Variants in SHISA9 observed in about 807,000 individuals in gnomAD.
SHISA9 encodes the protein shisa family member 9, also known as protein shisa-9.
SHISA9 carries 13 observed loss-of-function variants against 38.0 expected under a neutral mutation model. The ratio of observed to expected loss-of-function variants is 0.34; its 90% CI spans 0.22 to 0.54. The LOEUF is 0.54. SHISA9 is among the 20% of genes least tolerant of loss of function. SHISA9 has a pLI of 0.91. For missense variants in SHISA9, 538 were observed against 575.8 expected (o/e 0.93, Z 0.67); for synonymous variants, 275 against 242.0 (o/e 1.14, Z -1.27).
At chr16:12,938,648 C>T (rs944229644) in intron 2 of SHISA9, among the ~76,000 whole-genome samples, 1 of 152,080 alleles carries the variant, frequency 6.6e-6, no homozygotes, top group Non-Finnish European at 1.5e-5. Context: ...CCGGCACCTG[C>T]CACCACGCCC....
chr16:13,020,752 A>T (rs1196148725), intron 2 of SHISA9, among the ~76,000 whole-genome samples: 1 of 152,196 alleles, frequency 6.6e-6, no homozygotes, highest in Non-Finnish European at 1.5e-5. Flanking sequence ...TTAGGATCCA[A>T]ACATACTAAA....
At chr16:13,072,756 G>A (rs2073533430) in intron 2 of SHISA9, among the ~76,000 whole-genome samples, 1 of 152,038 alleles carries the variant, frequency 6.6e-6, no homozygotes, top group South Asian at 2.1e-4. Context: ...CACCTCCTGG[G>A]TTCAAGGGAT....
At chr16:12,919,768 G>A (rs758374107) in intron 2 of SHISA9, among the ~76,000 whole-genome samples, 4 of 152,142 alleles carry the variant, frequency 2.6e-5, no homozygotes, top group Non-Finnish European at 5.9e-5. Context: ...TTTCTTCAGC[G>A]GATGCTGTTC....
intron 2 of SHISA9, among the ~76,000 whole-genome samples, chr16:13,115,602 T>C (rs1439079787): frequency 6.6e-6 from 1 of 152,220 alleles, no homozygotes; most frequent in African/African-American, 2.4e-5. Context: ...TATGGACATG[T>C]TACAGTGCTG....
the SHISA9 span, among the ~76,000 whole-genome samples, chr16:13,293,491 G>A: frequency 6.6e-6 from 1 of 152,148 alleles, no homozygotes; most frequent in Non-Finnish European, 1.5e-5. Context: ...GGCCACCTTA[G>A]GCAAGTTGCT....
At chr16:13,455,930 G>A in the SHISA9 span, among the ~76,000 whole-genome samples, 2 of 152,264 alleles carry the variant, frequency 1.3e-5, no homozygotes, top group African/African-American at 4.8e-5. Flanking sequence ...AAAGTTTAGA[G>A]ATATTTCTTG....
chr16:13,274,070 A>G, the SHISA9 span, among the ~76,000 whole-genome samples: 1 of 152,220 alleles, frequency 6.6e-6, no homozygotes, highest in Admixed American at 6.5e-5. Context: ...GTCAAAAGTA[A>G]GATATTTGTC....
At chr16:13,107,259 C>T (rs964868376) in intron 2 of SHISA9, among the ~76,000 whole-genome samples, 1 of 151,760 alleles carries the variant, frequency 6.6e-6, no homozygotes, top group Non-Finnish European at 1.5e-5. Flanking sequence ...TGGTGAAATC[C>T]CATCTCTACT....
chr16:13,263,471 A>G, the SHISA9 span, among the ~76,000 whole-genome samples: 95,770 of 151,888 alleles, frequency 0.63, 30,589 homozygotes, highest in African/African-American at 0.72. Flanking sequence ...ACCTCTCCCC[A>G]AATTCCTCTT....
intron 2 of SHISA9, among the ~76,000 whole-genome samples, chr16:12,936,153 G>A (rs1489823819): frequency 6.6e-6 from 1 of 152,108 alleles, no homozygotes; most frequent in Non-Finnish European, 1.5e-5. Flanking sequence ...GGGTTCTTGG[G>A]ATGACGGGTG....
the SHISA9 span, among the ~76,000 whole-genome samples, chr16:13,540,224 T>C: frequency 1.1e-4 from 16 of 142,644 alleles, no homozygotes; most frequent in East Asian, 2.7e-3. Context: ...CACACACACA[T>C]AAACCTCCTA....
chr16:13,137,718 T>C (rs1327307380), intron 2 of SHISA9, among the ~76,000 whole-genome samples: 1 of 152,162 alleles, frequency 6.6e-6, no homozygotes, highest in African/African-American at 2.4e-5. Context: ...CCTCCCAAAG[T>C]GCTGGGATTA....
chr16:13,396,751 C>T, the SHISA9 span, among the ~76,000 whole-genome samples: 1 of 152,156 alleles, frequency 6.6e-6, no homozygotes, highest in Non-Finnish European at 1.5e-5. Context: ...CTCCATCCTT[C>T]TCATTCTTCA....
the SHISA9 span, among the ~76,000 whole-genome samples, chr16:13,550,388 C>A: frequency 1.6e-4 from 25 of 152,308 alleles, 1 homozygote; most frequent in East Asian, 4.4e-3. Flanking sequence ...ATAATTTGAA[C>A]TTTCTAAAAT....
chr16:13,267,534 C>G, the SHISA9 span, among the ~76,000 whole-genome samples: 4 of 152,260 alleles, frequency 2.6e-5, no homozygotes, highest in Admixed American at 1.3e-4. Context: ...TTCAACAATT[C>G]TACCTCCAAG....
chr16:13,447,741 C>T, the SHISA9 span, among the ~76,000 whole-genome samples: 1 of 152,230 alleles, frequency 6.6e-6, no homozygotes, highest in African/African-American at 2.4e-5. Context: ...TCGCCAGCTG[C>T]ATACTGCATA....
chr16:13,323,634 C>G, the SHISA9 span, among the ~76,000 whole-genome samples: 1 of 152,030 alleles, frequency 6.6e-6, no homozygotes, highest in Admixed American at 6.6e-5. Context: ...GGGGAGGCCT[C>G]AGGAAATGTA....
At chr16:13,004,033 G>A (rs553852920) in intron 2 of SHISA9, among the ~76,000 whole-genome samples, 5 of 152,132 alleles carry the variant, frequency 3.3e-5, no homozygotes, top group African/African-American at 1.2e-4. Flanking sequence ...CAATGTGTTG[G>A]GTTCATCAAG....
At chr16:13,418,565 T>C in the SHISA9 span, among the ~76,000 whole-genome samples, 1 of 152,076 alleles carries the variant, frequency 6.6e-6, no homozygotes, top group Non-Finnish European at 1.5e-5. Flanking sequence ...TTCCCCCCAG[T>C]ATGGCGGTCT....
Sources: allele counts gnomAD v4.1 joint callset (sites outside exome capture counted in the v4.1 genomes callset), GRCh38; gene constraint gnomAD v4.1.1; transcripts MANE v1.5; gene names NCBI Gene and HGNC (gene_info 2026-07-23, HGNC 2026-07-21).